Variants in ALG13 observed in about 807,000 individuals in gnomAD.
ALG13 encodes ALG13 UDP-N-acetylglucosaminyltransferase subunit, also known as UDP-N-acetylglucosamine transferase subunit ALG13.
Under a neutral mutation model 87.8 loss-of-function variants are expected in ALG13, and 11 were observed. The ratio of observed to expected loss-of-function variants is 0.13; its 90% CI spans 0.08 to 0.21. ALG13 has a LOEUF of 0.21. ALG13 is among the 10% of genes least tolerant of loss of function. ALG13 has a pLI of 1.00. For synonymous variants in ALG13, 320 were observed against 306.3 expected (o/e 1.04, Z -0.47); for missense variants, 756 against 866.1 (o/e 0.87, Z 1.60).
chrX:111,693,899 G>A (rs7888168), intron 3 of ALG13, among the ~76,000 whole-genome samples: 8,641 of 110,799 alleles, frequency 0.078, 864 homozygotes, highest in African/African-American at 0.27. Context: ...TCCCTAGGCT[G>A]AGGCGAACTT....
chrX:111,724,822 T>TCAACC (rs1941795779), intron 14 of ALG13, 112 bp from the exon 15 acceptor site: 1 of 817,286 alleles, frequency 1.2e-6, no homozygotes, highest in Admixed American at 3.2e-5. Context: ...GAAACTGGTG[T>TCAACC]CAACCAGGTT....
At chrX:111,740,337 G>GA (rs1165430997) in intron 23 of ALG13, among the ~76,000 whole-genome samples, 2 of 110,807 alleles carry the variant, frequency 1.8e-5, no homozygotes, top group Non-Finnish European at 3.8e-5. Flanking sequence ...TCTTAGTGTG[G>GA]AAAAAAGGTA....
At chrX:111,753,045 G>A (rs907267607) in intron 25 of ALG13, 1 of 345,830 alleles carries the variant, frequency 2.9e-6, no homozygotes, top group Non-Finnish European at 5.0e-6. Flanking sequence ...AAACTGAAGA[G>A]AGGGGTACTG....
chrX:111,727,396 C>T lies in ALG13; in HGVS notation c.2041C>T (p.Pro681Ser). The T allele has an allele frequency of 8.3e-7, 1 of 1,209,448 alleles. No homozygotes were observed. Among genetic ancestry groups the T allele is most frequent in the Non-Finnish European group, 1.1e-6 (1 of 894,525 alleles). Residue 681 changes from proline to serine, a missense_variant, in exon 17 of 27, where the codon CCA becomes TCA. Pro to Ser is a moderately conservative substitution (Grantham distance 74). Coordinates refer to ENST00000394780, the MANE Select transcript of ALG13 (RefSeq NM_001099922.3). ...PGPKVDFYPG[P>S]GKRCCQSYDN... is the part of the protein sequence containing the mutation. ...CCCTAAAGTTGATTTTTACCCAGGC[C>T]CAGGTAAAAGGTGCTGCCAGAGCTA... is the stretch of plus-strand genomic sequence containing the variant.
chrX:111,687,211 C>T (rs1372971507), intron 3 of ALG13, among the ~76,000 whole-genome samples: 4 of 112,510 alleles, frequency 3.6e-5, no homozygotes, highest in Non-Finnish European at 7.5e-5. Context: ...TCCCAAAGTG[C>T]TGGGATTACA....
At chrX:111,686,296 AAATT>A (rs1231786560) in intron 3 of ALG13, 1 of 360,246 alleles carries the variant, frequency 2.8e-6, no homozygotes, top group African/African-American at 2.7e-5. Flanking sequence ...TAGTAAAATG[AAATT>A]AATTTTAAAA....
chrX:111,733,069 T>A, intron 21 of ALG13, among the ~76,000 whole-genome samples: 1 of 111,795 alleles, frequency 8.9e-6, no homozygotes, highest in Non-Finnish European at 1.9e-5. Flanking sequence ...AAATTTCTAT[T>A]GTTGCTAAAA....
At position 111,685,054 on chromosome X, in the gene ALG13, C is replaced by T. The variant is rs185437341; in HGVS notation, c.334C>T (p.Leu112=). 2.5e-6 allele frequency: 3 copies of T among 1,209,198 alleles called. No individual in the cohort carries two copies. Among genetic ancestry groups the T allele is most frequent in the East Asian group, 5.9e-5 (2 of 33,719 alleles). The stretch of plus-strand genomic sequence containing the variant: ...GTTGATGAACAATCATCAGCTGGAA[C>T]TGGCAAAGCAGCTACACAAAGAGGG... ...EKLMNNHQLE[L]AKQLHKEGHL... The change falls in exon 3 of 27, where the codon CTG becomes TTG. Residue 112 remains leucine, a synonymous_variant. Coordinates refer to ENST00000394780, the MANE Select transcript of ALG13 (RefSeq NM_001099922.3).
Position 111,708,072 on chromosome X carries a change from T to G in ALG13, c.429T>G (p.Pro143=). Residue 143 remains proline (P), a synonymous_variant, in exon 4 of 27, where the codon CCT becomes CCG. Coordinates refer to ENST00000394780, the MANE Select transcript of ALG13 (RefSeq NM_001099922.3). ...AAGCCAAGTCCATTGCTTCTGCTCCTGGGAAGTGCCAAGATTCTGCAGCGC... is the reference window on the plus strand; with the variant it reads ...AAGCCAAGTCCATTGCTTCTGCTCCGGGGAAGTGCCAAGATTCTGCAGCGC... The part of the protein sequence containing the change: ...PGQAKSIASA[P]GKCQDSAALT... 8.3e-7 allele frequency: 1 copy of G among 1,211,109 alleles called. No homozygotes were observed. Among genetic ancestry groups the G allele is most frequent in the East Asian group, 3.0e-5 (1 of 33,825 alleles).
chrX:111,756,806 A>C (rs1356814846), intron 25 of ALG13, among the ~76,000 whole-genome samples: 3 of 111,910 alleles, frequency 2.7e-5, no homozygotes, highest in Non-Finnish European at 5.6e-5. Context: ...ACATCTATAA[A>C]TTAAGAGTAA....
At chrX:111,688,515 C>T in intron 3 of ALG13, 1 of 749,423 alleles carries the variant, frequency 1.3e-6, no homozygotes. Context: ...ATCTCTTGTA[C>T]TTGGAAAAGC....
chrX:111,745,023 C>A, intron 24 of ALG13, 119 bp downstream of exon 24: 3 of 595,459 alleles, frequency 5.0e-6, no homozygotes, highest in Non-Finnish European at 8.3e-6. Flanking sequence ...GACTTGAGAA[C>A]ACAATACTGG....
intron 22 of ALG13, among the ~76,000 whole-genome samples, 172 bp downstream of exon 22, chrX:111,735,294 T>C (rs1943128912): frequency 8.9e-6 from 1 of 112,339 alleles, no homozygotes; most frequent in Non-Finnish European, 1.9e-5. Context: ...AACAAATTAT[T>C]GAGCATCTAC....
chrX:111,731,971 C>G (rs910501262), intron 21 of ALG13, among the ~76,000 whole-genome samples: 27 of 111,516 alleles, frequency 2.4e-4, no homozygotes, highest in African/African-American at 8.8e-4. Context: ...GGGTTTTAAC[C>G]AAAGAGTTCA....
chrX:111,722,048 C>T (rs761890004), intron 12 of ALG13, among the ~76,000 whole-genome samples: 1 of 111,781 alleles, frequency 8.9e-6, no homozygotes, highest in East Asian at 2.8e-4. Context: ...TAGGTTAGGC[C>T]TGTGGGTCAA....
In ALG13 at chrX:111,723,474, A is replaced by G. The variant is rs374316211; in HGVS notation, c.1501-324A>G. Among the ~76,000 whole-genome samples the G allele has an allele frequency of 5.4e-5, 6 of 110,540 alleles. No homozygotes were observed. In the South Asian group the frequency reaches 1.2e-3, roughly 21 times the overall value. On this transcript the variant is annotated intron_variant, in intron 13 of 26. Coordinates refer to ENST00000394780, the MANE Select transcript of ALG13 (RefSeq NM_001099922.3). ...TCTTTTATAGAAACAGGGTCTTACT[A>G]TGTTGCCCAGGCTGGTCTCATTCCT...
chrX:111,745,579 C>T (rs181233893), intron 24 of ALG13, among the ~76,000 whole-genome samples: 1 of 109,758 alleles, frequency 9.1e-6, no homozygotes, highest in East Asian at 2.9e-4. Flanking sequence ...TTCTTTAACT[C>T]CCTTCTGTTT....
At chrX:111,709,160 A>G (rs1459264137) in intron 5 of ALG13, 112 bp downstream of exon 5, 31 of 338,670 alleles carry the variant, frequency 9.2e-5, no homozygotes, top group Non-Finnish European at 1.5e-4. Flanking sequence ...TCAATAGCAA[A>G]TATATAATTC....
rs1944093600 is a variant in ALG13 at position 111,744,826 on chromosome X, A to G, written c.2854A>G (p.Thr952Ala). Residue 952 changes from threonine to alanine, a missense_variant, in exon 24 of 27, where the codon ACT (threonine) becomes GCT (alanine). By Grantham distance (58) the Thr-to-Ala change is moderately conservative. Coordinates refer to ENST00000394780, the MANE Select transcript of ALG13 (RefSeq NM_001099922.3). ...PPPPALDVGETSNLQPPPPLP... is the reference protein window; with the variant it reads ...PPPPALDVGEASNLQPPPPLP... Reference sequence around the variant, plus strand: ...TCCTCCTGCTCTTGATGTGGGAGAGACTTCAAACTTACAACCACCACCACC... The same window carrying G: ...TCCTCCTGCTCTTGATGTGGGAGAGGCTTCAAACTTACAACCACCACCACC... 8.6e-7 allele frequency: 1 copy of G among 1,161,995 alleles called. No individual in the cohort carries two copies. Among genetic ancestry groups the G allele is most frequent in the Non-Finnish European group, 1.1e-6 (1 of 870,654 alleles).
Sources: gnomAD v4.1 joint callset for allele counts (sites outside exome capture counted in the v4.1 genomes callset) on GRCh38, gnomAD v4.1.1 for gene constraint, MANE v1.5 for transcripts, NCBI Gene and HGNC (gene_info 2026-07-23, HGNC 2026-07-21) for gene names.